PPFIA2: variants seen among roughly 807,000 people sequenced by gnomAD.
PPFIA2 encodes the protein PPFI scaffold protein A2.
A neutral mutation model predicts 175.5 loss-of-function variants in PPFIA2; 46 were observed. The ratio of observed to expected loss-of-function variants is 0.26; its 90% CI spans 0.21 to 0.34. The LOEUF is 0.34. Among genes scored for constraint, PPFIA2 ranks in the 10% least tolerant of loss-of-function variants. The pLI, the probability that PPFIA2 is intolerant of heterozygous loss-of-function variation, is 1.00. For missense variants in PPFIA2, 1,179 were observed against 1,506.1 expected, an observed-to-expected ratio of 0.78 and a Z score of 3.60; for synonymous variants, 568 against 511.4, an observed-to-expected ratio of 1.11 and a Z score of -1.49.
chr12:81,619,968 G>A (rs979759446), intron 4 of PPFIA2, among the ~76,000 whole-genome samples: 1 of 151,954 alleles, frequency 6.6e-6, no homozygotes, highest in African/African-American at 2.4e-5. Flanking sequence ...GACCATCCTG[G>A]CTAAGGCAGT....
intron 4 of PPFIA2, among the ~76,000 whole-genome samples, chr12:81,573,013 G>C (rs2072846658): frequency 1.7e-5 from 2 of 116,150 alleles, no homozygotes; most frequent in African/African-American, 6.1e-5. Flanking sequence ...TATTAATATT[G>C]AGAGAGAGAG....
intron 9 of PPFIA2, 78 bp from the exon 10 acceptor site, chr12:81,376,020 A>G (rs956838593): frequency 7.5e-7 from 1 of 1,326,016 alleles, no homozygotes; most frequent in Non-Finnish European, 1.0e-6. Context: ...TAAATAAAAA[A>G]GAAACATAAA....
intron 3 of PPFIA2, among the ~76,000 whole-genome samples, chr12:81,710,319 CAT>C: frequency 7.0e-6 from 1 of 143,326 alleles, no homozygotes; most frequent in Admixed American, 7.1e-5. Flanking sequence ...CACACACACA[CAT>C]ACACACACAC....
intron 4 of PPFIA2, among the ~76,000 whole-genome samples, chr12:81,612,895 C>A (rs906901973): frequency 6.6e-6 from 1 of 152,034 alleles, no homozygotes; most frequent in Admixed American, 6.6e-5. Context: ...TATTTTATTT[C>A]TTCTTATTTG....
rs1324515514 is a variant in PPFIA2 at position 81,570,213 on chromosome 12, A to T, written c.303+106578T>A. Among the ~76,000 whole-genome samples, 5 of 152,168 alleles carry T rather than the reference A, an allele frequency of 3.3e-5. No individual in the cohort carries two copies. The East Asian group carries it at 9.6e-4, about 29-fold the overall frequency. ...GTATTGAAAGATAAGTTTTCACTAAACCCAGTGATAATAGAACAAGAGATG... is the reference window on the plus strand; with the variant it reads ...GTATTGAAAGATAAGTTTTCACTAATCCCAGTGATAATAGAACAAGAGATG... On this transcript the variant is annotated intron_variant, in intron 4 of 32. Coordinates refer to ENST00000549396, the MANE Select transcript of PPFIA2 (RefSeq NM_003625.5).
At position 81,260,614 on chromosome 12, in the gene PPFIA2, T is replaced by A. The variant is rs191424131; in HGVS notation, c.*34-954A>T. 7.9e-5 allele frequency: 12 copies of A among 152,278 alleles called. 1 individual carries two copies. The South Asian group carries it at 1.0e-3, about 13-fold the overall frequency. 9.4% of individuals were successfully genotyped at this position (152,278 alleles called of 1,614,324 possible). A position where few individuals can be genotyped will look rare whatever the true frequency, so the allele number is the denominator to read the frequency against. ...AAGGGTTGTACATTCTGAAATTAAA[T>A]CTCTTATCGGGATGCTTTTCATTTT... is the stretch of plus-strand genomic sequence containing the variant. On this transcript the variant is annotated intron_variant, in intron 32 of 32. Coordinates refer to ENST00000549396, the MANE Select transcript of PPFIA2 (RefSeq NM_003625.5).
intron 7 of PPFIA2, among the ~76,000 whole-genome samples, chr12:81,410,828 T>C (rs181893834): frequency 1.3e-4 from 20 of 152,118 alleles, no homozygotes; most frequent in Non-Finnish European, 1.3e-4. Context: ...CTAAGGAAGG[T>C]AAGCTGGTAG....
chr12:81,592,321 T>C (rs529720017), intron 4 of PPFIA2, among the ~76,000 whole-genome samples: 11 of 152,246 alleles, frequency 7.2e-5, no homozygotes, highest in Admixed American at 5.2e-4. Flanking sequence ...CTGTGGACTT[T>C]TGAGTTAATG....
chr12:81,587,426 T>A (rs2075445650), intron 4 of PPFIA2, among the ~76,000 whole-genome samples: 1 of 152,034 alleles, frequency 6.6e-6, no homozygotes, highest in Admixed American at 6.6e-5. Flanking sequence ...TCTCTACCCA[T>A]GTGAAACTGT....
intron 7 of PPFIA2, among the ~76,000 whole-genome samples, chr12:81,409,377 G>C (rs532659453): frequency 6.6e-6 from 1 of 152,204 alleles, no homozygotes; most frequent in East Asian, 1.9e-4. Context: ...TAAGAGGTGG[G>C]ACCTTTAACA....
chr12:81,670,421 T>C (rs549824714), intron 4 of PPFIA2, among the ~76,000 whole-genome samples: 4 of 151,914 alleles, frequency 2.6e-5, no homozygotes, highest in Non-Finnish European at 5.9e-5. Flanking sequence ...TCCCTCTTTA[T>C]TTCATCACCC....
chr12:81,718,590 TA>T (rs2078941951), intron 3 of PPFIA2, among the ~76,000 whole-genome samples: 1 of 151,718 alleles, frequency 6.6e-6, no homozygotes, highest in African/African-American at 2.4e-5. Context: ...CCATCTGGTC[TA>T]ACTTCTCAAT....
intron 2 of PPFIA2, 57 bp from the exon 3 acceptor site, chr12:81,754,280 A>G: frequency 6.6e-7 from 1 of 1,519,806 alleles, no homozygotes. Flanking sequence ...CAATAATTTC[A>G]TTTGGAGAGC....
intron 22 of PPFIA2, among the ~76,000 whole-genome samples, chr12:81,304,521 T>C (rs1235568484): frequency 2.0e-5 from 3 of 152,200 alleles, no homozygotes; most frequent in Non-Finnish European, 4.4e-5. Context: ...AGGCAATGCT[T>C]ATAGTGTTCT....
intron 4 of PPFIA2, among the ~76,000 whole-genome samples, chr12:81,518,229 T>C (rs1286987002): frequency 6.6e-6 from 1 of 152,194 alleles, no homozygotes; most frequent in Non-Finnish European, 1.5e-5. Flanking sequence ...CATGGAAGGA[T>C]ATTGACCATC....
intron 18 of PPFIA2, 45 bp downstream of exon 18, chr12:81,347,488 T>C (rs745584025): frequency 1.3e-6 from 2 of 1,486,156 alleles, no homozygotes; most frequent in Admixed American, 1.7e-5. Context: ...TAAAGCATCA[T>C]TAATCTTAAC....
At chr12:81,343,560 A>T (rs1174239490) in intron 19 of PPFIA2, among the ~76,000 whole-genome samples, 1 of 152,068 alleles carries the variant, frequency 6.6e-6, no homozygotes. Context: ...ATCTGGTTCC[A>T]GGAGTGTTCC....
intron 11 of PPFIA2, among the ~76,000 whole-genome samples, chr12:81,372,856 T>C (rs1237244785): frequency 6.6e-6 from 1 of 151,462 alleles, no homozygotes; most frequent in African/African-American, 2.4e-5. Context: ...TTCTGAAAAA[T>C]GAAATCAAAG....
chr12:81,369,082 T>C (rs2034382494), intron 12 of PPFIA2, 29 bp downstream of exon 12: 1 of 1,518,282 alleles, frequency 6.6e-7, no homozygotes, highest in African/African-American at 1.4e-5. Context: ...AACCAATGAT[T>C]GGGGGGTAAT....
Sources: allele counts gnomAD v4.1 joint callset (sites outside exome capture counted in the v4.1 genomes callset), GRCh38; gene constraint gnomAD v4.1.1; transcripts MANE v1.5; gene names NCBI Gene and HGNC (gene_info 2026-07-23, HGNC 2026-07-21).